AGBL4: variants seen among roughly 807,000 people sequenced by gnomAD.
AGBL4 encodes the protein AGBL carboxypeptidase 4.
AGBL4 carries 58 observed loss-of-function variants against 66.4 expected under a neutral mutation model. That is an observed-to-expected ratio of 0.87 (90% confidence interval 0.71 to 1.09). The LOEUF (loss-of-function observed/expected upper bound fraction) is 1.09, where lower values mean the gene tolerates loss of function less well. Among genes scored for constraint, AGBL4 ranks in the 50% least tolerant of loss-of-function variants. The pLI is 0.00. For synonymous variants in AGBL4, 234 were observed against 222.9 expected (o/e 1.05, Z -0.44); for missense variants, 579 against 631.0 (o/e 0.92, Z 0.88).
intron 6 of AGBL4, among the ~76,000 whole-genome samples, chr1:48,764,525 G>A (rs764220825): frequency 6.6e-6 from 1 of 152,160 alleles, no homozygotes; most frequent in Non-Finnish European, 1.5e-5. Context: ...TATGAAAGAT[G>A]GTTCAGTTAT....
At chr1:49,371,280 CAT>C (rs1644339829) in intron 3 of AGBL4, among the ~76,000 whole-genome samples, 4 of 151,932 alleles carry the variant, frequency 2.6e-5, no homozygotes, top group African/African-American at 9.7e-5. Context: ...TACATACATA[CAT>C]ACATACACAC....
At chr1:48,745,027 G>A (rs1650520201) in intron 6 of AGBL4, among the ~76,000 whole-genome samples, 1 of 152,164 alleles carries the variant, frequency 6.6e-6, no homozygotes, top group African/African-American at 2.4e-5. Flanking sequence ...ACTACTTTTA[G>A]CAAATTATGT....
chr1:49,598,274 G>A (rs553140434), intron 3 of AGBL4, among the ~76,000 whole-genome samples: 2 of 152,306 alleles, frequency 1.3e-5, no homozygotes, highest in South Asian at 4.1e-4. Context: ...GCGTTCCTTT[G>A]GAGGAGGAGA....
intron 5 of AGBL4, among the ~76,000 whole-genome samples, chr1:48,931,853 A>G (rs1655064902): frequency 6.6e-6 from 1 of 152,022 alleles, no homozygotes; most frequent in South Asian, 2.1e-4. Context: ...CGTATTATTT[A>G]TGGTTTATTT....
At chr1:49,411,625 T>C (rs749341953) in intron 3 of AGBL4, among the ~76,000 whole-genome samples, 32 of 152,120 alleles carry the variant, frequency 2.1e-4, no homozygotes, top group Admixed American at 6.5e-5. Flanking sequence ...CTATAAGAAA[T>C]ATATGGAATA....
At chr1:49,161,343 TG>T (rs1646538211) in intron 4 of AGBL4, among the ~76,000 whole-genome samples, 1 of 152,106 alleles carries the variant, frequency 6.6e-6, no homozygotes, top group Non-Finnish European at 1.5e-5. Context: ...GGTGAGGTGA[TG>T]CCCCGCCCTG....
intron 3 of AGBL4, among the ~76,000 whole-genome samples, chr1:49,496,219 G>A (rs184745843): frequency 2.0e-4 from 31 of 152,042 alleles, no homozygotes; most frequent in Non-Finnish European, 2.8e-4. Flanking sequence ...CTACTTGGCA[G>A]CCATTTAAAA....
chr1:49,937,540 T>C (rs1477567481), intron 1 of AGBL4, among the ~76,000 whole-genome samples: 3 of 151,920 alleles, frequency 2.0e-5, no homozygotes, highest in Admixed American at 6.6e-5. Flanking sequence ...AATATACATT[T>C]TTTTCAGCAC....
chr1:48,594,872 C>T (rs1644972056), intron 9 of AGBL4, among the ~76,000 whole-genome samples: 1 of 152,082 alleles, frequency 6.6e-6, no homozygotes, highest in South Asian at 2.1e-4. Flanking sequence ...CACAATCACC[C>T]ACATTCTCTC....
intron 2 of AGBL4, among the ~76,000 whole-genome samples, chr1:49,795,198 TA>T (rs139874833): frequency 0.034 from 5,091 of 149,182 alleles, 122 homozygotes; most frequent in Non-Finnish European, 0.05. Flanking sequence ...AGCTGATATT[TA>T]AAAAAAAAAT....
At position 49,825,040 on chromosome 1, in the gene AGBL4, C is replaced by T. The variant is rs555097343; in HGVS notation, c.157+26356G>A. Reference sequence around the variant, plus strand: ...TCTTATTTGCTCTGCCAGTAAGTAACCACCCTGATAAGTCACCCAACCTGT... The same window carrying T: ...TCTTATTTGCTCTGCCAGTAAGTAATCACCCTGATAAGTCACCCAACCTGT... On this transcript the variant is annotated intron_variant, in intron 2 of 13. Transcript: ENST00000371839. Among the ~76,000 whole-genome samples, 4 of 151,266 alleles carry T rather than the reference C, an allele frequency of 2.6e-5. No individual in the cohort carries two copies. The East Asian group carries it at 7.7e-4, about 29-fold the overall frequency.
intron 3 of AGBL4, among the ~76,000 whole-genome samples, chr1:49,291,831 T>C (rs1644540016): frequency 6.6e-6 from 1 of 152,160 alleles, no homozygotes; most frequent in Non-Finnish European, 1.5e-5. Flanking sequence ...CAGGGACAAG[T>C]GGCAGCCCCA....
At chr1:49,724,554 G>A (rs1648867316) in intron 2 of AGBL4, among the ~76,000 whole-genome samples, 1 of 152,096 alleles carries the variant, frequency 6.6e-6, no homozygotes, top group East Asian at 1.9e-4. Flanking sequence ...AACTTAATCC[G>A]GTTTATGGAT....
chr1:49,425,642 C>A (rs572523054), intron 3 of AGBL4, among the ~76,000 whole-genome samples: 21 of 152,308 alleles, frequency 1.4e-4, no homozygotes, highest in Non-Finnish European at 2.2e-4. Flanking sequence ...CTTGGATGCA[C>A]CCCTGCTCAT....
At chr1:48,626,746 G>T (rs773631320) in intron 9 of AGBL4, among the ~76,000 whole-genome samples, 16 of 152,194 alleles carry the variant, frequency 1.1e-4, no homozygotes, top group Non-Finnish European at 1.8e-4. Flanking sequence ...CACAGTTTCA[G>T]CTGCTCCCTG....
chr1:48,907,563 G>A (rs978451592), intron 5 of AGBL4, among the ~76,000 whole-genome samples: 1 of 152,146 alleles, frequency 6.6e-6, no homozygotes, highest in South Asian at 2.1e-4. Context: ...CAAGCAGCCT[G>A]AGGGAAGCTC....
Position 49,248,929 on chromosome 1 carries a change from C to G in AGBL4, c.283-3065G>C, listed in dbSNP as rs114204892. ...TATATCAGAGCTCTGTAAATAGTGA[C>G]CACAGTACACTGTTAGTCTAAGAGT... On this transcript the variant is annotated intron_variant, in intron 3 of 13. Transcript: ENST00000371839. Among the ~76,000 whole-genome samples, 199 of 152,146 alleles carry G rather than the reference C, an allele frequency of 1.3e-3. 1 individual carries two copies. Among genetic ancestry groups the G allele is most frequent in the African/African-American group, 4.6e-3 (189 of 41,506 alleles).
At chr1:49,705,626 A>G (rs566079392) in intron 2 of AGBL4, among the ~76,000 whole-genome samples, 3 of 152,336 alleles carry the variant, frequency 2.0e-5, no homozygotes, top group Admixed American at 1.3e-4. Flanking sequence ...GCCAGTTTTC[A>G]AAGATAACGT....
At chr1:48,970,275 A>G (rs770498860) in intron 5 of AGBL4, among the ~76,000 whole-genome samples, 2 of 152,162 alleles carry the variant, frequency 1.3e-5, no homozygotes, top group Admixed American at 6.6e-5. Context: ...CAGGACATAG[A>G]AATGCCTGAT....
Sources: gnomAD v4.1 joint callset for allele counts (sites outside exome capture counted in the v4.1 genomes callset) on GRCh38, gnomAD v4.1.1 for gene constraint, MANE v1.5 for transcripts, NCBI Gene and HGNC (gene_info 2026-07-23, HGNC 2026-07-21) for gene names.